The following ZNF572 variants were observed in gnomAD, a reference collection of about 807,000 sequenced individuals.
ZNF572 encodes the protein zinc finger protein 572.
In ZNF572, 2 loss-of-function variants were observed where a neutral mutation model predicts 3.8. The ratio of observed to expected loss-of-function variants is 0.52; its 90% CI spans 0.21 to 1.65. ZNF572 has a LOEUF of 1.65. ZNF572 is among the 40% of genes most tolerant of loss of function. The pLI, the probability that ZNF572 is intolerant of heterozygous loss-of-function variation, is 0.20. For synonymous variants in ZNF572, 187 were observed against 204.5 expected (o/e 0.91, Z 0.73); for missense variants, 581 against 633.4 (o/e 0.92, Z 0.89).
rs1211051369 is a variant in ZNF572 at position 124,979,349 on chromosome 8, G to T, written c.*1491G>T. The T allele has an allele frequency of 6.6e-6, 1 of 152,290 alleles. No homozygotes were observed. The highest frequency in any genetic ancestry group is 2.4e-5 in the African/African-American group (1 of 41,328). 9.4% of individuals were successfully genotyped at this position (152,290 alleles called of 1,614,324 possible). On this transcript the variant is annotated 3_prime_UTR_variant, in exon 3 of 3. Coordinates refer to ENST00000319286, the MANE Select transcript of ZNF572 (RefSeq NM_152412.3). ...CGGGGTATTTGTGTGTTTTTGTATTGTTATTTGATTACAAAAATAAAGCAA... is the reference window on the plus strand; with the variant it reads ...CGGGGTATTTGTGTGTTTTTGTATTTTTATTTGATTACAAAAATAAAGCAA...
chr8:124,976,285 T>G, intron 2 of ZNF572, 63 bp from the exon 3 acceptor site: 1 of 1,408,678 alleles, frequency 7.1e-7, no homozygotes, highest in African/African-American at 1.4e-5. Context: ...TCCACTGCAA[T>G]TTAGAATTTA....
rs1483221909 is a variant in ZNF572 at position 124,976,998 on chromosome 8, T to C, written c.730T>C (p.Tyr244His). ...CAGATCACATACAGGTGAAAAACCATATGAATGTTCTGTCTGCGGAAAAGG... is the reference window on the plus strand; with the variant it reads ...CAGATCACATACAGGTGAAAAACCACATGAATGTTCTGTCTGCGGAAAAGG... Reference protein sequence around the residue: ...HHRSHTGEKPYECSVCGKGFS... With the variant: ...HHRSHTGEKPHECSVCGKGFS... The change falls in exon 3 of 3, where the codon TAT becomes CAT. Residue 244 changes from tyrosine to histidine, a missense_variant. By Grantham distance (83) the Tyr-to-His change is moderately conservative. Transcript: ENST00000319286. The C allele has an allele frequency of 6.2e-7, 1 of 1,614,026 alleles. No homozygotes were observed. Among genetic ancestry groups the C allele is most frequent in the Non-Finnish European group, 8.5e-7 (1 of 1,180,032 alleles).
Position 124,977,022 on chromosome 8 carries a change from G to T in ZNF572, c.754G>T (p.Gly252Cys). Residue 252 changes from glycine to cysteine, a missense_variant, in exon 3 of 3, where the codon GGC (glycine) becomes TGC (cysteine). Coordinates refer to ENST00000319286, the MANE Select transcript of ZNF572 (RefSeq NM_152412.3). ...ATATGAATGTTCTGTCTGCGGAAAAGGCTTCAGTCACAGCTATGTCCTAAT... is the reference window on the plus strand; with the variant it reads ...ATATGAATGTTCTGTCTGCGGAAAATGCTTCAGTCACAGCTATGTCCTAAT... ...KPYECSVCGK[G>C]FSHSYVLIEH... 6.2e-7 allele frequency: 1 copy of T among 1,613,824 alleles called. No individual in the cohort carries two copies. The highest frequency in any genetic ancestry group is 8.5e-7 in the Non-Finnish European group (1 of 1,180,016).
rs201968418 is a variant in ZNF572 at position 124,977,284 on chromosome 8, G to A, written c.1016G>A (p.Arg339His). Residue 339 changes from arginine to histidine, a missense_variant, in exon 3 of 3, where the codon CGT becomes CAT. Arg to His is a conservative substitution (Grantham distance 29). Coordinates refer to ENST00000319286, the MANE Select transcript of ZNF572 (RefSeq NM_152412.3). ...QCPECGKNFS[R>H]SSNLITHQKM... ...CCAGAATGTGGGAAGAATTTTAGTC[G>A]TAGTTCAAACCTTATTACACACCAG... 84 of 1,613,482 alleles carry A rather than the reference G, an allele frequency of 5.2e-5. No individual in the cohort carries two copies. Among genetic ancestry groups the A allele is most frequent in the South Asian group, 1.1e-4 (10 of 91,044 alleles).
At position 124,977,611 on chromosome 8, in the gene ZNF572, G is replaced by A. The variant is rs775840009; in HGVS notation, c.1343G>A (p.Ser448Asn). The A allele has an allele frequency of 5.0e-6, 8 of 1,614,080 alleles. No homozygotes were observed. Among genetic ancestry groups the A allele is most frequent in the Non-Finnish European group, 6.8e-6 (8 of 1,180,024 alleles). Residue 448 changes from serine to asparagine, a missense_variant, in exon 3 of 3, where the codon AGC becomes AAC. Transcript: ENST00000319286. ...TATAAATGTCCTGATTGTGGTGAAA[G>A]CTTCAGTCAGAGCTTTAACCTTATC... is the stretch of plus-strand genomic sequence containing the variant. ...KPYKCPDCGESFSQSFNLIRH... is the reference protein window; with the variant it reads ...KPYKCPDCGENFSQSFNLIRH...
Position 124,977,232 on chromosome 8 carries a change from C to T in ZNF572, c.964C>T (p.His322Tyr), listed in dbSNP as rs1167466730. 1 of 1,613,054 alleles carries T rather than the reference C, an allele frequency of 6.2e-7. No homozygotes were observed. The highest frequency in any genetic ancestry group is 1.3e-5 in the African/African-American group (1 of 74,922). ...TACTCTAATAAAACATCAGAGAATACATACAGGAGAAAAGCCTTATCAATG... is the reference window on the plus strand; with the variant it reads ...TACTCTAATAAAACATCAGAGAATATATACAGGAGAAAAGCCTTATCAATG... ...NSTLIKHQRI[H>Y]TGEKPYQCPE... Residue 322 changes from histidine (H) to tyrosine (Y), a missense_variant, in exon 3 of 3, where the codon CAT becomes TAT. Physicochemically the swap from His to Tyr is moderately conservative, Grantham distance 83 (BLOSUM62 2). Coordinates refer to ENST00000319286, the MANE Select transcript of ZNF572 (RefSeq NM_152412.3).
Position 124,978,120 on chromosome 8 carries a change from A to G in ZNF572, c.*262A>G, listed in dbSNP as rs1030495115. Reference sequence around the variant, plus strand: ...GATAGTAATAGCTTCAAAAGAACACATACAGAGTAATCCTGAGAGTAAGCA... The same window carrying G: ...GATAGTAATAGCTTCAAAAGAACACGTACAGAGTAATCCTGAGAGTAAGCA... On this transcript the variant is annotated 3_prime_UTR_variant, in exon 3 of 3. Transcript: ENST00000319286. 7.3e-6 allele frequency: 3 copies of G among 412,194 alleles called. No individual in the cohort carries two copies. Among genetic ancestry groups the G allele is most frequent in the African/African-American group, 2.0e-5 (1 of 49,084 alleles). The allele number at this position is 412,194 out of a possible 1,614,324, so 25.5% of individuals were successfully genotyped here.
In ZNF572 at chr8:124,976,881, A is replaced by G. The variant is rs1814514328; in HGVS notation, c.613A>G (p.Ile205Val). 2 of 1,613,774 alleles carry G rather than the reference A, an allele frequency of 1.2e-6. No homozygotes were observed. Among genetic ancestry groups the G allele is most frequent in the African/African-American group, 2.7e-5 (2 of 74,842 alleles). Reference sequence around the variant, plus strand: ...CTTCAGCAATACCTCCCATCTTATTATCCATGAGAGAACTCACACGGGAGA... The same window carrying G: ...CTTCAGCAATACCTCCCATCTTATTGTCCATGAGAGAACTCACACGGGAGA... ...KSFSNTSHLI[I>V]HERTHTGEKP... The change falls in exon 3 of 3, where the codon ATC becomes GTC. Residue 205 changes from isoleucine (I) to valine (V), a missense_variant. Coordinates refer to ENST00000319286, the MANE Select transcript of ZNF572 (RefSeq NM_152412.3).
rs376349497 is a variant in ZNF572, at chr8:124,977,806, C to G, written c.1538C>G (p.Ser513Ter). 4 of 1,611,476 alleles carry G rather than the reference C, an allele frequency of 2.5e-6. No individual in the cohort carries two copies. The highest frequency in any genetic ancestry group is 1.3e-5 in the African/African-American group (1 of 74,854). The change falls in exon 3 of 3, where the codon TCA becomes TGA. Residue 513 changes from serine (S) to a stop codon, truncating the protein, a stop_gained. Coordinates refer to ENST00000319286, the MANE Select transcript of ZNF572 (RefSeq NM_152412.3). LOFTEE classifies it high-confidence loss of function. ...CATGAATGGACTTGGAAAAACTGTTCAGGGGAAATGCCCTTCATCTCTTCA... is the reference window on the plus strand; with the variant it reads ...CATGAATGGACTTGGAAAAACTGTTGAGGGGAAATGCCCTTCATCTCTTCA... ...FPHEWTWKNC[S>*]GEMPFISSFS...
Position 124,976,571 on chromosome 8 carries a change from A to G in ZNF572, c.303A>G (p.Lys101=), listed in dbSNP as rs781041875. The change falls in exon 3 of 3, where the codon AAA becomes AAG. Residue 101 remains lysine (K), a synonymous_variant. Coordinates refer to ENST00000319286, the MANE Select transcript of ZNF572 (RefSeq NM_152412.3). ...KSENWGNFIA[K]EEEKPNHQEW... ...AGAATTGGGGAAATTTTATAGCTAA[A>G]GAGGAGGAAAAACCCAATCACCAGG... 6.2e-7 allele frequency: 1 copy of G among 1,614,172 alleles called. No homozygotes were observed.
At chr8:124,974,027 G>T (rs895184176) in intron 1 of ZNF572, among the ~76,000 whole-genome samples, 1 of 151,866 alleles carries the variant, frequency 6.6e-6, no homozygotes, top group South Asian at 2.1e-4. Flanking sequence ...TTGCATTCAG[G>T]TGTATGGTTT....
chr8:124,973,847 C>T (rs750846024), intron 1 of ZNF572, among the ~76,000 whole-genome samples: 1 of 152,166 alleles, frequency 6.6e-6, no homozygotes, highest in Non-Finnish European at 1.5e-5. Context: ...GCCACTGTTC[C>T]GGGGGCTCCT....
Position 124,977,386 on chromosome 8 carries a change from A to G in ZNF572, c.1118A>G (p.Glu373Gly). ...TTGGGTCAGAACTGCAATGTGATAG[A>G]AGAATGCAGAATCCAGTTAGGAGAG... ...ESLGQNCNVI[E>G]ECRIQLGEKP... The change falls in exon 3 of 3, where the codon GAA (glutamate) becomes GGA (glycine). Residue 373 changes from glutamate to glycine, a missense_variant. By Grantham distance (98) the Glu-to-Gly change is moderately conservative (BLOSUM62 -2). Transcript: ENST00000319286. The G allele has an allele frequency of 1.9e-6, 3 of 1,614,204 alleles. No individual in the cohort carries two copies. Among genetic ancestry groups the G allele is most frequent in the Non-Finnish European group, 2.5e-6 (3 of 1,180,036 alleles).
Position 124,975,733 on chromosome 8 carries a change from ACGATGATCTGAAT to A in ZNF572, c.79+16_79+28del. ...GCCCTTTCACAGGTGAGGGATCAAGACGATGATCTGAATCCTTAGGAAATTTGATGTAGAAAGA... is the reference window on the plus strand; with the variant it reads ...GCCCTTTCACAGGTGAGGGATCAAGACCTTAGGAAATTTGATGTAGAAAGA... On this transcript the variant is annotated intron_variant, in intron 2 of 2. Coordinates refer to ENST00000319286, the MANE Select transcript of ZNF572 (RefSeq NM_152412.3). 6.2e-7 allele frequency: 1 copy of A among 1,606,128 alleles called. No homozygotes were observed. The highest frequency in any genetic ancestry group is 1.1e-5 in the South Asian group (1 of 90,880).
At position 124,977,878 on chromosome 8, in the gene ZNF572, G is replaced by A. The variant is rs1814533005; in HGVS notation, c.*20G>A. 6.5e-7 allele frequency: 1 copy of A among 1,537,964 alleles called. No individual in the cohort carries two copies. The highest frequency in any genetic ancestry group is 8.7e-7 in the Non-Finnish European group (1 of 1,145,608). ...TCCTGAGTCCCAAAGCCTGGTTGGT[G>A]ATGGTTTTTTCTTCCTTGTTGGACC... On this transcript the variant is annotated 3_prime_UTR_variant, in exon 3 of 3. Coordinates refer to ENST00000319286, the MANE Select transcript of ZNF572 (RefSeq NM_152412.3).
At position 124,978,821 on chromosome 8, in the gene ZNF572, A is replaced by T. The variant is rs934171201; in HGVS notation, c.*963A>T. ...ATTTGCAATGAAGAGCCTTTTCCCT[A>T]AATTATCCCATTATGTAATTCTTGG... On this transcript the variant is annotated 3_prime_UTR_variant, in exon 3 of 3. Transcript: ENST00000319286. 6.6e-6 allele frequency: 1 copy of T among 152,206 alleles called. No individual in the cohort carries two copies. Among genetic ancestry groups the T allele is most frequent in the Non-Finnish European group, 1.5e-5 (1 of 68,034 alleles). The allele number at this position is 152,206 out of a possible 1,614,324, so 9.4% of individuals were successfully genotyped here.
chr8:124,975,443 G>C (rs1022874178), intron 1 of ZNF572, among the ~76,000 whole-genome samples, 163 bp from the exon 2 acceptor site: 2 of 152,172 alleles, frequency 1.3e-5, no homozygotes, highest in Non-Finnish European at 2.9e-5. Context: ...TTAGATCTGA[G>C]ATAAGATTTT....
chr8:124,974,084 A>C (rs1181411191), intron 1 of ZNF572, among the ~76,000 whole-genome samples: 1 of 152,184 alleles, frequency 6.6e-6, no homozygotes, highest in African/African-American at 2.4e-5. Context: ...AATGTAGACT[A>C]GTTTCACGTT....
intron 1 of ZNF572, among the ~76,000 whole-genome samples, chr8:124,974,698 T>G (rs1046831900): frequency 6.6e-6 from 1 of 152,168 alleles, no homozygotes; most frequent in African/African-American, 2.4e-5. Flanking sequence ...TTTTTTCTTT[T>G]TTTTTGTTGA....
Sources: allele counts gnomAD v4.1 joint callset (sites outside exome capture counted in the v4.1 genomes callset), GRCh38; gene constraint gnomAD v4.1.1; transcripts MANE v1.5; gene names NCBI Gene and HGNC (gene_info 2026-07-23, HGNC 2026-07-21).